ARMH3: variants seen among roughly 807,000 people sequenced by gnomAD.
The protein encoded by ARMH3 is armadillo like helical domain containing 3, also known as armadillo-like helical domain-containing protein 3.
A neutral mutation model predicts 99.1 loss-of-function variants in ARMH3; 60 were observed. That is an observed-to-expected ratio of 0.61 (90% CI 0.49 to 0.75). The LOEUF (loss-of-function observed/expected upper bound fraction) is 0.75, where lower values mean the gene tolerates loss of function less well. Among genes scored for constraint, ARMH3 ranks in the 30% least tolerant of loss-of-function variants. The probability of loss-of-function intolerance (pLI) is 0.00; values close to 1 mark genes in which losing one functional copy is unlikely to be tolerated. For synonymous variants in ARMH3, 285 were observed against 292.8 expected (o/e 0.97, Z 0.27); for missense variants, 679 against 843.1 (o/e 0.81, Z 2.41).
intron 8 of ARMH3, among the ~76,000 whole-genome samples, chr10:102,014,660 C>T (rs2066704881): frequency 6.6e-6 from 1 of 152,154 alleles, no homozygotes; most frequent in East Asian, 1.9e-4. Flanking sequence ...ATTACCCAAA[C>T]AACAATCTGG....
intron 22 of ARMH3, among the ~76,000 whole-genome samples, chr10:101,944,969 T>C (rs1038239622): frequency 2.0e-5 from 3 of 152,150 alleles, no homozygotes; most frequent in Admixed American, 6.5e-5. Context: ...AACAAAAATA[T>C]CTTTTTAAAA....
intron 24 of ARMH3, among the ~76,000 whole-genome samples, chr10:101,868,323 GACTTCTTTTACA>G (rs2067053516): frequency 1.3e-5 from 2 of 152,310 alleles, no homozygotes; most frequent in Admixed American, 6.5e-5. Flanking sequence ...GACTGCTTTT[GACTTCTTTTACA>G]ACATGAACCA....
intron 4 of ARMH3, among the ~76,000 whole-genome samples, chr10:102,032,765 T>C (rs1309087071): frequency 6.6e-6 from 1 of 152,174 alleles, no homozygotes; most frequent in African/African-American, 2.4e-5. Context: ...CTTCCCTTTC[T>C]CAAGCAAAAA....
chr10:101,909,054 T>C (rs573782485), intron 23 of ARMH3, among the ~76,000 whole-genome samples: 8 of 152,210 alleles, frequency 5.3e-5, no homozygotes, highest in Admixed American at 3.9e-4. Flanking sequence ...AGGCACACTA[T>C]GGACACAGAA....
At chr10:101,901,795 A>G (rs1378290373) in intron 23 of ARMH3, among the ~76,000 whole-genome samples, 1 of 152,192 alleles carries the variant, frequency 6.6e-6, no homozygotes, top group Non-Finnish European at 1.5e-5. Context: ...AGAAAATGGG[A>G]TAGTTTGGTA....
At chr10:101,956,798 C>T in intron 21 of ARMH3, 75 bp from the exon 22 acceptor site, 1 of 1,466,424 alleles carries the variant, frequency 6.8e-7, no homozygotes, top group South Asian at 1.4e-5. Context: ...ATGCTGTAGC[C>T]AGCTCTTACT....
chr10:102,047,217 G>A (rs2067578144), intron 1 of ARMH3, among the ~76,000 whole-genome samples: 1 of 151,982 alleles, frequency 6.6e-6, no homozygotes. Context: ...TATCTTTGAG[G>A]ATTTTTAATT....
intron 23 of ARMH3, among the ~76,000 whole-genome samples, chr10:101,893,839 T>C (rs574623910): frequency 3.3e-5 from 5 of 152,330 alleles, no homozygotes; most frequent in African/African-American, 7.2e-5. Context: ...ATTACACTTA[T>C]CAGGTGTCAG....
chr10:101,870,707 A>G (rs2067112785), intron 24 of ARMH3, among the ~76,000 whole-genome samples: 1 of 152,192 alleles, frequency 6.6e-6, no homozygotes. Context: ...AAAACAGGGG[A>G]GGAAGGAATA....
intron 21 of ARMH3, 55 bp from the exon 22 acceptor site, chr10:101,956,778 T>G: frequency 6.3e-7 from 1 of 1,581,900 alleles, no homozygotes; most frequent in Non-Finnish European, 8.6e-7. Flanking sequence ...GACTAAAAAT[T>G]ATCAGTGGTA....
At chr10:102,021,350 G>A (rs904749669) in intron 8 of ARMH3, among the ~76,000 whole-genome samples, 3 of 151,576 alleles carry the variant, frequency 2.0e-5, no homozygotes, top group Non-Finnish European at 2.9e-5. Flanking sequence ...AAAGTGCTGA[G>A]ATTACAGGCG....
intron 24 of ARMH3, among the ~76,000 whole-genome samples, chr10:101,878,429 G>GT (rs1481005781): frequency 1.3e-5 from 2 of 151,524 alleles, no homozygotes; most frequent in South Asian, 4.2e-4. Flanking sequence ...GAGGCCAAAA[G>GT]TTTGAGACCA....
intron 23 of ARMH3, among the ~76,000 whole-genome samples, chr10:101,902,041 C>T (rs1424956881): frequency 6.6e-6 from 1 of 152,142 alleles, no homozygotes; most frequent in Middle Eastern, 3.2e-3. Flanking sequence ...TTTGTTGAGA[C>T]CTAATCAGTA....
At chr10:102,011,653 C>T (rs996237616) in intron 11 of ARMH3, 70 bp downstream of exon 11, 54 of 1,327,430 alleles carry the variant, frequency 4.1e-5, no homozygotes, top group African/African-American at 2.6e-4. Flanking sequence ...CTTCGGAGCC[C>T]GATTTGTCCA....
chr10:101,858,912 C>T (rs1049737470), intron 24 of ARMH3, among the ~76,000 whole-genome samples: 1 of 152,144 alleles, frequency 6.6e-6, no homozygotes, highest in Non-Finnish European at 1.5e-5. Flanking sequence ...AATTTAGTAA[C>T]ACAGGCCCAA....
At chr10:102,036,934 C>T (rs1322862375) in intron 2 of ARMH3, among the ~76,000 whole-genome samples, 1 of 150,920 alleles carries the variant, frequency 6.6e-6, no homozygotes, top group Admixed American at 6.6e-5. Flanking sequence ...CGCCTATAAT[C>T]CCAGCTACTT....
chr10:101,970,113 T>C (rs1845704136), intron 20 of ARMH3, among the ~76,000 whole-genome samples: 1 of 152,362 alleles, frequency 6.6e-6, no homozygotes, highest in East Asian at 1.9e-4. Flanking sequence ...GCTGACTCCA[T>C]GAAGCTCTGT....
At chr10:101,943,201 G>A (rs2135729610) in intron 22 of ARMH3, among the ~76,000 whole-genome samples, 1 of 152,342 alleles carries the variant, frequency 6.6e-6, no homozygotes, top group South Asian at 2.1e-4. Flanking sequence ...GAGGGAGTTT[G>A]ACAGACAGCT....
chr10:101,892,888 A>G (rs2067727639), intron 23 of ARMH3, among the ~76,000 whole-genome samples: 1 of 152,246 alleles, frequency 6.6e-6, no homozygotes, highest in African/African-American at 2.4e-5. Flanking sequence ...GGAGCAAGAA[A>G]AGAGTTCTGA....
Sources: gnomAD v4.1 joint callset for allele counts (sites outside exome capture counted in the v4.1 genomes callset) on GRCh38, gnomAD v4.1.1 for gene constraint, MANE v1.5 for transcripts, NCBI Gene and HGNC (gene_info 2026-07-23, HGNC 2026-07-21) for gene names.